GALNT13: variants seen among roughly 807,000 people sequenced by gnomAD.
The protein encoded by GALNT13 is polypeptide N-acetylgalactosaminyltransferase 13.
A neutral mutation model predicts 64.2 loss-of-function variants in GALNT13; 28 were observed. The observed-to-expected ratio is 0.44, with a 90% CI of 0.32 to 0.60. The LOEUF (loss-of-function observed/expected upper bound fraction) is 0.60, where lower values mean the gene tolerates loss of function less well. Ranked by LOEUF, GALNT13 falls within the 20% of genes least tolerant of loss-of-function variation. The pLI is 0.05. For synonymous variants in GALNT13, 214 were observed against 224.6 expected, an observed-to-expected ratio of 0.95 and a Z score of 0.42; for missense variants, 577 against 669.8, an observed-to-expected ratio of 0.86 and a Z score of 1.53.
the GALNT13 span, among the ~76,000 whole-genome samples, chr2:153,691,840 A>G: frequency 1.3e-5 from 2 of 152,154 alleles, no homozygotes; most frequent in African/African-American, 4.8e-5. Context: ...ATAAATAAAT[A>G]TATATACATG....
chr2:153,833,850 G>A, the GALNT13 span, among the ~76,000 whole-genome samples: 2 of 151,984 alleles, frequency 1.3e-5, no homozygotes, highest in Non-Finnish European at 2.9e-5. Flanking sequence ...ATTTTGGCAC[G>A]TCTCAAAATA....
At chr2:154,254,133 G>A (rs951058559) in intron 7 of GALNT13, among the ~76,000 whole-genome samples, 8 of 152,050 alleles carry the variant, frequency 5.3e-5, no homozygotes, top group African/African-American at 1.9e-4. Flanking sequence ...GAACATATAA[G>A]GGGAGTTTTC....
At chr2:153,082,600 TATATATATATATATATATACACACACAC>T in the GALNT13 span, among the ~76,000 whole-genome samples, 10 of 46,514 alleles carry the variant, frequency 2.1e-4, no homozygotes, top group African/African-American at 9.5e-4. Flanking sequence ...TATATATATA[TATATATATATATATATATACACACACAC>T]ACACACACAC....
chr2:153,821,916 A>G, the GALNT13 span, among the ~76,000 whole-genome samples: 1 of 152,206 alleles, frequency 6.6e-6, no homozygotes, highest in African/African-American at 2.4e-5. Flanking sequence ...AACTGATTCA[A>G]AAGTAATACA....
chr2:153,793,170 C>T, the GALNT13 span, among the ~76,000 whole-genome samples: 1 of 151,916 alleles, frequency 6.6e-6, no homozygotes, highest in Non-Finnish European at 1.5e-5. Flanking sequence ...GACGGGGTTT[C>T]ACCATGTTGG....
the GALNT13 span, among the ~76,000 whole-genome samples, chr2:153,845,803 C>A: frequency 1.3e-5 from 2 of 151,932 alleles, no homozygotes; most frequent in Admixed American, 6.6e-5. Context: ...AAGTACCATA[C>A]TTTTGTATAT....
chr2:153,451,247 G>A, the GALNT13 span, among the ~76,000 whole-genome samples: 3 of 152,026 alleles, frequency 2.0e-5, no homozygotes, highest in African/African-American at 7.2e-5. Flanking sequence ...TTTTAATCTA[G>A]TAAATAAGAT....
At chr2:154,357,840 A>G (rs707035) in intron 9 of GALNT13, among the ~76,000 whole-genome samples, 91,527 of 151,862 alleles carry the variant, frequency 0.6, 28,413 homozygotes, top group East Asian at 0.7. Context: ...GTTTGCAGCT[A>G]TTATGTTCAA....
intron 3 of GALNT13, among the ~76,000 whole-genome samples, chr2:154,056,528 T>G (rs144618800): frequency 1.3e-5 from 2 of 152,296 alleles, no homozygotes; most frequent in Non-Finnish European, 2.9e-5. Flanking sequence ...TATTCTTTCT[T>G]GGACTTGAAT....
chr2:153,392,270 G>A, the GALNT13 span, among the ~76,000 whole-genome samples: 1 of 150,492 alleles, frequency 6.6e-6, no homozygotes, highest in Non-Finnish European at 1.5e-5. Context: ...TTAAAGTCTT[G>A]AGATTTTTGA....
the GALNT13 span, among the ~76,000 whole-genome samples, chr2:153,354,608 T>C: frequency 0.24 from 36,031 of 151,854 alleles, 4,986 homozygotes; most frequent in African/African-American, 0.38. Flanking sequence ...AGGAAGAAAA[T>C]AAGAGTCAGT....
chr2:153,689,063 C>CGTGTGT, the GALNT13 span, among the ~76,000 whole-genome samples: 23 of 66,340 alleles, frequency 3.5e-4, 1 homozygote, highest in Non-Finnish European at 4.1e-4. Context: ...TGCTAAACCG[C>CGTGTGT]GTGTGTATGT....
intron 3 of GALNT13, among the ~76,000 whole-genome samples, chr2:154,087,213 G>T (rs1022379128): frequency 6.6e-5 from 10 of 151,702 alleles, no homozygotes; most frequent in African/African-American, 2.4e-4. Flanking sequence ...AAAAAGATCA[G>T]ACTCTTAGGC....
the GALNT13 span, among the ~76,000 whole-genome samples, chr2:153,595,689 C>G: frequency 6.6e-6 from 1 of 152,036 alleles, no homozygotes; most frequent in African/African-American, 2.4e-5. Context: ...ACTTTAATAT[C>G]TATCCCTTAT....
chr2:154,390,218 G>T (rs866537383), intron 9 of GALNT13, among the ~76,000 whole-genome samples: 2 of 152,126 alleles, frequency 1.3e-5, no homozygotes, highest in Admixed American at 6.5e-5. Context: ...GACTTACTAT[G>T]AATAAAAGAC....
At chr2:153,839,424 A>G in the GALNT13 span, among the ~76,000 whole-genome samples, 1 of 151,944 alleles carries the variant, frequency 6.6e-6, no homozygotes, top group Admixed American at 6.6e-5. Context: ...TATGTTGAAG[A>G]ATATTTCTTC....
chr2:153,688,991 GGTGTGTGT>G, the GALNT13 span, among the ~76,000 whole-genome samples: 33,774 of 129,934 alleles, frequency 0.26, 4,757 homozygotes, highest in Middle Eastern at 0.5. Flanking sequence ...TAGAGGTAGG[GGTGTGTGT>G]GTGTGTGTGT....
At chr2:154,428,594 C>T (rs1236487379) in intron 11 of GALNT13, among the ~76,000 whole-genome samples, 2 of 152,090 alleles carry the variant, frequency 1.3e-5, no homozygotes, top group Admixed American at 6.6e-5. Context: ...TTGTGCTTCA[C>T]GGATATTGCA....
chr2:154,349,369 T>G (rs970928354), intron 9 of GALNT13, among the ~76,000 whole-genome samples: 2 of 152,232 alleles, frequency 1.3e-5, no homozygotes, highest in African/African-American at 2.4e-5. Context: ...CTAAAATAGT[T>G]TAAAGCACTT....
Sources: allele counts gnomAD v4.1 joint callset (sites outside exome capture counted in the v4.1 genomes callset), GRCh38; gene constraint gnomAD v4.1.1; transcripts MANE v1.5; gene names NCBI Gene and HGNC (gene_info 2026-07-23, HGNC 2026-07-21).